EXTL3: variants seen among roughly 807,000 people sequenced by gnomAD.
The protein encoded by EXTL3 is exostosin-like 3.
EXTL3 carries 27 observed loss-of-function variants against 69.3 expected under a neutral mutation model. The observed-to-expected ratio is 0.39, with a 90% CI of 0.29 to 0.54. The LOEUF (loss-of-function observed/expected upper bound fraction) is 0.54, where lower values mean the gene tolerates loss of function less well. EXTL3 is among the 20% of genes least tolerant of loss of function. The pLI is 0.69. For synonymous variants in EXTL3, 511 were observed against 499.4 expected, an observed-to-expected ratio of 1.02 and a Z score of -0.31; for missense variants, 1,003 against 1,231.8, an observed-to-expected ratio of 0.81 and a Z score of 2.78.
chr8:28,737,786 T>C, intron 5 of EXTL3, 123 bp downstream of exon 5: 1 of 1,141,266 alleles, frequency 8.8e-7, no homozygotes, highest in East Asian at 2.3e-5. Context: ...GTGCTAGAAG[T>C]CAGTTTTTTC....
intron 1 of EXTL3, among the ~76,000 whole-genome samples, chr8:28,694,803 G>A (rs1331848833): frequency 6.6e-6 from 1 of 152,172 alleles, no homozygotes; most frequent in Non-Finnish European, 1.5e-5. Flanking sequence ...CCTGAGCTCA[G>A]GAGTTCGAGA....
At chr8:28,639,604 C>T (rs746678708) in intron 1 of EXTL3, among the ~76,000 whole-genome samples, 2 of 151,578 alleles carry the variant, frequency 1.3e-5, no homozygotes, top group Non-Finnish European at 2.9e-5. Context: ...TTGGTCCCTG[C>T]GGTTTGGCCT....
rs7835755 is a variant in EXTL3 at position 28,706,366 on chromosome 8, T to G, written c.-570+4707T>G. ...TGCCACATTGTAGCAGCCAGCATAGTTCAGAGTTGTACTGTACTTTAATCA... is the reference window on the plus strand; with the variant it reads ...TGCCACATTGTAGCAGCCAGCATAGGTCAGAGTTGTACTGTACTTTAATCA... On this transcript the variant is annotated intron_variant, in intron 1 of 6. Transcript: ENST00000220562. Among the ~76,000 whole-genome samples, 797 of 152,358 alleles carry G rather than the reference T, an allele frequency of 5.2e-3. 14 individuals carry two copies. The highest frequency in any genetic ancestry group is 0.018 in the African/African-American group (765 of 41,584).
chr8:28,685,982 C>T (rs1351776531), intron 1 of EXTL3: 2 of 152,160 alleles, frequency 1.3e-5, no homozygotes, highest in African/African-American at 4.8e-5. Context: ...TCTCCTGCCT[C>T]AGCCTCCTGA....
At chr8:28,702,111 C>T (rs932224695) in intron 1 of EXTL3, among the ~76,000 whole-genome samples, 11 of 152,314 alleles carry the variant, frequency 7.2e-5, no homozygotes, top group African/African-American at 2.6e-4. Context: ...TCGGCGGAGG[C>T]GCAGCTCCGG....
chr8:28,681,467 G>A (rs952236721), intron 1 of EXTL3, among the ~76,000 whole-genome samples: 3 of 151,966 alleles, frequency 2.0e-5, no homozygotes, highest in Non-Finnish European at 4.4e-5. Flanking sequence ...GCAGTGAGCT[G>A]AGATTGTGTC....
chr8:28,730,795 A>AC lies in EXTL3; in HGVS notation c.2149-428_2149-427insC, dbSNP rs552586334. On this transcript the variant is annotated intron_variant, in intron 3 of 6. Coordinates refer to ENST00000220562, the MANE Select transcript of EXTL3 (RefSeq NM_001440.4). ...ATTTATATCCCAAAAAGGCGTTAGA[A>AC]TTGGGAGTCAGAAGTGACAGACTCA... is the stretch of plus-strand genomic sequence containing the variant. 1.5e-4 allele frequency among the ~76,000 whole-genome samples: 21 copies of AC among 141,184 alleles called. No homozygotes were observed. The South Asian group carries it at 3.0e-3, about 20-fold the overall frequency. The allele number at this position is 141,184 out of a possible 152,430, so 92.6% of individuals were successfully genotyped here. A position where few individuals can be genotyped will look rare whatever the true frequency, so the allele number is the denominator to read the frequency against.
intron 1 of EXTL3, among the ~76,000 whole-genome samples, chr8:28,637,942 C>A (rs1806682008): frequency 6.6e-6 from 1 of 152,228 alleles, no homozygotes; most frequent in African/African-American, 2.4e-5. Context: ...CAATTCCCTG[C>A]TGCTAAACCC....
intron 2 of EXTL3, among the ~76,000 whole-genome samples, chr8:28,713,903 C>CTTTTTTTTT (rs55737430): frequency 8.4e-4 from 96 of 113,730 alleles, no homozygotes; most frequent in African/African-American, 1.2e-3. Flanking sequence ...TTCTTTCTTT[C>CTTTTTTTTT]TTTTTTTTTT....
intron 1 of EXTL3, among the ~76,000 whole-genome samples, chr8:28,695,100 C>T (rs528499002): frequency 1.3e-4 from 20 of 151,170 alleles, no homozygotes; most frequent in Middle Eastern, 6.9e-3. Context: ...GAGACAGAAA[C>T]GTATTCATGT....
upstream of EXTL3, among the ~76,000 whole-genome samples, chr8:28,619,762 T>C (rs1806383973): frequency 6.8e-6 from 1 of 147,978 alleles, no homozygotes. Flanking sequence ...CACAGGCATC[T>C]GCAGACACCA....
At chr8:28,653,644 T>A (rs538634597) in intron 1 of EXTL3, among the ~76,000 whole-genome samples, 1 of 152,238 alleles carries the variant, frequency 6.6e-6, no homozygotes, top group Non-Finnish European at 1.5e-5. Context: ...TTGAGTGGCC[T>A]TGACACTCTT....
chr8:28,623,263 C>T lies in EXTL3; in HGVS notation c.-53+453C>T, dbSNP rs1421138601. ...GCGCGCTGTCAGGAGGCGCTGTCCC[C>T]GTGGGTAAGCCCGTGCCGTGGGTGC... On this transcript the variant is annotated intron_variant, in intron 1 of 6. Coordinates refer to the EXTL3 transcript ENST00000523149. The surrounding 1 kb of genome is among the most constrained non-coding windows in gnomAD (Gnocchi z 4.2). Among the ~76,000 whole-genome samples the T allele has an allele frequency of 6.6e-6, 1 of 152,160 alleles. No homozygotes were observed. The highest frequency in any genetic ancestry group is 1.5e-5 in the Non-Finnish European group (1 of 68,014).
chr8:28,736,742 C>T (rs1585291493), intron 4 of EXTL3, among the ~76,000 whole-genome samples: 1 of 152,216 alleles, frequency 6.6e-6, no homozygotes, highest in Non-Finnish European at 1.5e-5. Context: ...AAATTACATA[C>T]ATGTCCTTCT....
chr8:28,751,225 A>C lies in EXTL3; in HGVS notation c.*359A>C. On this transcript the variant is annotated 3_prime_UTR_variant, in exon 7 of 7. Coordinates refer to ENST00000220562, the MANE Select transcript of EXTL3 (RefSeq NM_001440.4). ...TGATTATTTAAAAAGAGAAAGTTTC[A>C]GATTTGCCATTCAAGGCTTATTTAT... 2 of 282,688 alleles carry C rather than the reference A, an allele frequency of 7.1e-6. No individual in the cohort carries two copies. The highest frequency in any genetic ancestry group is 9.9e-5 in the South Asian group (2 of 20,226). The allele number at this position is 282,688 out of a possible 1,614,324, so 17.5% of individuals were successfully genotyped here.
intron 4 of EXTL3, among the ~76,000 whole-genome samples, chr8:28,736,088 C>T (rs771509616): frequency 5.3e-5 from 8 of 151,886 alleles, no homozygotes; most frequent in Non-Finnish European, 7.4e-5. Context: ...GATGGTTGCA[C>T]GACACTGTGA....
intron 5 of EXTL3, chr8:28,741,447 T>C (rs571604982): frequency 3.3e-5 from 5 of 152,318 alleles, no homozygotes; most frequent in African/African-American, 9.6e-5. Flanking sequence ...TATTTTATTT[T>C]ATTTATTCTT....
chr8:28,696,715 AC>A, upstream of EXTL3: 1 of 152,222 alleles, frequency 6.6e-6, no homozygotes. Flanking sequence ...ACATGCCATG[AC>A]AACTGGTTAA....
intron 1 of EXTL3, among the ~76,000 whole-genome samples, chr8:28,657,140 G>A (rs539651744): frequency 2.0e-5 from 3 of 151,810 alleles, no homozygotes; most frequent in Admixed American, 1.3e-4. Flanking sequence ...TGGAGGTTTC[G>A]CCATGTTGGC....
Sources: allele counts gnomAD v4.1 joint callset (sites outside exome capture counted in the v4.1 genomes callset), GRCh38; gene constraint gnomAD v4.1.1; non-coding constraint Gnocchi (gnomAD v3.1); transcripts MANE v1.5; gene names NCBI Gene and HGNC (gene_info 2026-07-23, HGNC 2026-07-21).